Variants in MTO1 observed in about 807,000 individuals in gnomAD.
MTO1 encodes the protein 5-taurinomethyluridine-[tRNA] synthase subunit MTO1, mitochondrial.
In MTO1, 46 loss-of-function variants were observed where a neutral mutation model predicts 71.6. The observed-to-expected ratio is 0.64, with a 90% CI of 0.51 to 0.82. The LOEUF (loss-of-function observed/expected upper bound fraction) is 0.82, where lower values mean the gene tolerates loss of function less well. Among genes scored for constraint, MTO1 ranks in the 40% least tolerant of loss-of-function variants. The probability of loss-of-function intolerance (pLI) is 0.00; values close to 1 mark genes in which losing one functional copy is unlikely to be tolerated. For missense variants in MTO1, 773 were observed against 867.5 expected (o/e 0.89, Z 1.37); for synonymous variants, 297 against 312.1 (o/e 0.95, Z 0.51).
At chr6:73,471,805 T>C (rs889287006) in intron 3 of MTO1, 2 of 162,178 alleles carry the variant, frequency 1.2e-5, no homozygotes, top group Non-Finnish European at 2.7e-5. Context: ...TGGTAAAATA[T>C]ACAAACCATA....
At chr6:73,465,369 G>A (rs982147315) in intron 1 of MTO1, among the ~76,000 whole-genome samples, 1 of 151,762 alleles carries the variant, frequency 6.6e-6, no homozygotes, top group African/African-American at 2.4e-5. Context: ...TCACCGTGTC[G>A]CCCAGGGTGG....
In MTO1 at chr6:73,461,765, G is replaced by T; in HGVS notation, c.-90G>T. ...CTACCCCGTGATATTAAAGCAAGAT[G>T]GCCGCGCCCTGCAGATTGTCTCTTG... On this transcript the variant is annotated 5_prime_UTR_variant, in exon 1 of 12. It removes an upstream start codon present in the reference 5' UTR. Coordinates refer to ENST00000498286, the MANE Select transcript of MTO1 (RefSeq NM_012123.4). 7.2e-7 allele frequency: 1 copy of T among 1,395,192 alleles called. No individual in the cohort carries two copies. Among genetic ancestry groups the T allele is most frequent in the Non-Finnish European group, 9.9e-7 (1 of 1,008,672 alleles). 86.4% of individuals were successfully genotyped at this position (1,395,192 alleles called of 1,614,324 possible). A position where few individuals can be genotyped will look rare whatever the true frequency, so the allele number is the denominator to read the frequency against.
At chr6:73,491,128 C>G (rs1433240721) in intron 9 of MTO1, among the ~76,000 whole-genome samples, 2 of 152,156 alleles carry the variant, frequency 1.3e-5, no homozygotes, top group Admixed American at 6.6e-5. Flanking sequence ...ATACATTGCT[C>G]TCCTCTCCCA....
intron 9 of MTO1, among the ~76,000 whole-genome samples, chr6:73,489,631 C>T (rs1259840604): frequency 6.6e-6 from 1 of 152,098 alleles, no homozygotes; most frequent in Non-Finnish European, 1.5e-5. Context: ...TTTTTTATGG[C>T]TGCATAGTAT....
intron 9 of MTO1, among the ~76,000 whole-genome samples, chr6:73,489,347 A>G (rs1771744080): frequency 6.8e-6 from 1 of 146,808 alleles, no homozygotes; most frequent in Non-Finnish European, 1.5e-5. Flanking sequence ...CAGGTTTGTT[A>G]CATATATATA....
chr6:73,480,469 C>A, intron 6 of MTO1: 1 of 604,832 alleles, frequency 1.7e-6, no homozygotes. Context: ...AGGGTTTCTC[C>A]CTGTTGGTCA....
Position 73,507,355 on chromosome 6 carries a change from AT to A in MTO1, c.*6622del, listed in dbSNP as rs1392910448. On this transcript the variant is annotated 3_prime_UTR_variant, in exon 12 of 12. Coordinates refer to ENST00000498286, the MANE Select transcript of MTO1 (RefSeq NM_012123.4). ...TAAAAAATAAATGAAAATGTTTCTT[AT>A]TGTGGATCACAGTCAAAAGTTTGAA... 1.3e-5 allele frequency: 2 copies of A among 152,212 alleles called. No homozygotes were observed. Among genetic ancestry groups the A allele is most frequent in the Non-Finnish European group, 2.9e-5 (2 of 68,032 alleles). 9.4% of individuals were successfully genotyped at this position (152,212 alleles called of 1,614,324 possible).
chr6:73,499,390 C>T (rs1396858648), intron 11 of MTO1, among the ~76,000 whole-genome samples: 1 of 151,820 alleles, frequency 6.6e-6, no homozygotes, highest in Non-Finnish European at 1.5e-5. Context: ...GGTGCAGTGG[C>T]ATGCACCTAT....
intron 3 of MTO1, among the ~76,000 whole-genome samples, chr6:73,472,811 A>G (rs140042093): frequency 2.2e-4 from 33 of 152,298 alleles, no homozygotes; most frequent in African/African-American, 7.5e-4. Context: ...TCAAAACACC[A>G]TGTTGCATAC....
intron 10 of MTO1, among the ~76,000 whole-genome samples, chr6:73,493,354 A>ATGTG (rs144509962): frequency 0.066 from 9,128 of 139,344 alleles, 340 homozygotes; most frequent in East Asian, 0.095. Context: ...ATGTGCATGT[A>ATGTG]TGTGTGTGTG....
At chr6:73,480,861 C>T in intron 7 of MTO1, 56 bp downstream of exon 7, 3 of 1,553,964 alleles carry the variant, frequency 1.9e-6, no homozygotes, top group Non-Finnish European at 2.6e-6. Context: ...TGGTATTTCT[C>T]CTTTTAATGT....
In MTO1 at chr6:73,502,746, A is replaced by T. The variant is rs1772195355; in HGVS notation, c.*2011A>T. 1 of 151,810 alleles carries T rather than the reference A, an allele frequency of 6.6e-6. No homozygotes were observed. Among genetic ancestry groups the T allele is most frequent in the South Asian group, 2.1e-4 (1 of 4,804 alleles). The allele number at this position is 151,810 out of a possible 1,614,324, so 9.4% of individuals were successfully genotyped here. A position where few individuals can be genotyped will look rare whatever the true frequency, so the allele number is the denominator to read the frequency against. The stretch of plus-strand genomic sequence containing the variant: ...ACCCCATCTCTACTAAAAATACAAA[A>T]ATTAGCTAGGTGTGTTGGCACGTGC... On this transcript the variant is annotated 3_prime_UTR_variant, in exon 12 of 12. Coordinates refer to ENST00000498286, the MANE Select transcript of MTO1 (RefSeq NM_012123.4).
chr6:73,494,927 G>C (rs1250084563), intron 10 of MTO1, among the ~76,000 whole-genome samples: 1 of 151,714 alleles, frequency 6.6e-6, no homozygotes, highest in Non-Finnish European at 1.5e-5. Flanking sequence ...CTATAGGCGC[G>C]CACCACCACA....
chr6:73,473,714 A>T, intron 4 of MTO1, 60 bp downstream of exon 4: 1 of 1,264,464 alleles, frequency 7.9e-7, no homozygotes, highest in South Asian at 1.6e-5. Flanking sequence ...AGCAGGAAGT[A>T]CTGTAACTTT....
rs1237190038 is a variant in MTO1 at position 73,505,353 on chromosome 6, A to G, written c.*4618A>G. The G allele has an allele frequency of 6.6e-6, 1 of 152,248 alleles. No individual in the cohort carries two copies. Among genetic ancestry groups the G allele is most frequent in the Non-Finnish European group, 1.5e-5 (1 of 68,064 alleles). The allele number at this position is 152,248 out of a possible 1,614,324, so 9.4% of individuals were successfully genotyped here. ...AAGGAAGGAAATTCATATACATGCT[A>G]CAGCATGGATAAACCTTGAAAAAGT... On this transcript the variant is annotated 3_prime_UTR_variant, in exon 12 of 12. Transcript: ENST00000498286.
At chr6:73,470,956 A>G (rs368212005) in intron 3 of MTO1, among the ~76,000 whole-genome samples, 1 of 152,050 alleles carries the variant, frequency 6.6e-6, no homozygotes, top group African/African-American at 2.4e-5. Context: ...CTGTCTCAAT[A>G]GAAAAAAAAA....
intron 4 of MTO1, among the ~76,000 whole-genome samples, chr6:73,474,986 C>T (rs542171128): frequency 6.6e-6 from 1 of 152,200 alleles, no homozygotes; most frequent in South Asian, 2.1e-4. Context: ...AACTCCTTAC[C>T]TTAGGTAATC....
At chr6:73,465,368 C>T (rs971101659) in intron 1 of MTO1, among the ~76,000 whole-genome samples, 7 of 151,982 alleles carry the variant, frequency 4.6e-5, no homozygotes, top group Middle Eastern at 3.4e-3. Context: ...TTCACCGTGT[C>T]GCCCAGGGTG....
intron 3 of MTO1, among the ~76,000 whole-genome samples, chr6:73,469,308 A>G (rs1014532375): frequency 3.3e-5 from 5 of 150,762 alleles, no homozygotes; most frequent in Admixed American, 6.6e-5. Context: ...ATGAGCTGCC[A>G]TGCCCAGCCT....
Sources: gnomAD v4.1 joint callset for allele counts (sites outside exome capture counted in the v4.1 genomes callset) on GRCh38, gnomAD v4.1.1 for gene constraint, MANE v1.5 for transcripts, NCBI Gene and HGNC (gene_info 2026-07-23, HGNC 2026-07-21) for gene names.